TRIM34: variants seen among roughly 807,000 people sequenced by gnomAD.
TRIM34 encodes the protein tripartite motif containing 34.
In TRIM34, 41 loss-of-function variants were observed where a neutral mutation model predicts 38.1. That is an observed-to-expected ratio of 1.08 (90% confidence interval 0.84 to 1.40). The LOEUF is 1.40. Among genes scored for constraint, TRIM34 ranks in the 40% most tolerant of loss-of-function variants. TRIM34 has a pLI of 0.00. For missense variants in TRIM34, 556 were observed against 571.4 expected, an observed-to-expected ratio of 0.97 and a Z score of 0.27; for synonymous variants, 200 against 202.5, an observed-to-expected ratio of 0.99 and a Z score of 0.10.
chr11:5,639,371 CTA>C (rs1273154969), intron 4 of TRIM34, among the ~76,000 whole-genome samples: 1 of 151,992 alleles, frequency 6.6e-6, no homozygotes, highest in African/African-American at 2.4e-5. Flanking sequence ...AAAACAGCAC[CTA>C]TGTGTGAGCT....
chr11:5,620,190 T>TTTTTTTTTTTTTTTTTTA (rs1848935569), upstream of TRIM34, among the ~76,000 whole-genome samples: 1 of 123,914 alleles, frequency 8.1e-6, no homozygotes, highest in South Asian at 2.7e-4. Context: ...TTTTTTTTTT[T>TTTTTTTTTTTTTTTTTTA]TTGTTGAGAC....
Position 5,643,144 on chromosome 11 carries a change from T to C in TRIM34, c.902T>C (p.Val301Ala). Reference sequence around the variant, plus strand: ...ATATATATTTTTTTTTTTCTTGCAGTGGATGTCACACTGAATTCAGTCAAC... The same window carrying C: ...ATATATATTTTTTTTTTTCTTGCAGCGGATGTCACACTGAATTCAGTCAAC... ...RELTAVRCYW[V>A]DVTLNSVNLN... is the part of the protein sequence containing the mutation. The change falls in exon 8 of 8, where the codon GTG becomes GCG. Residue 301 changes from valine (V) to alanine (A), a missense_variant and splice_region_variant. Val to Ala is a moderately conservative substitution (Grantham distance 64, BLOSUM62 0). Coordinates refer to ENST00000429814, the MANE Select transcript of TRIM34 (RefSeq NM_021616.6). The C allele has an allele frequency of 1.4e-6, 2 of 1,453,372 alleles. No homozygotes were observed. Among genetic ancestry groups the C allele is most frequent in the South Asian group, 3.3e-5 (2 of 60,400 alleles). 90.0% of individuals were successfully genotyped at this position (1,453,372 alleles called of 1,614,324 possible). A position where few individuals can be genotyped will look rare whatever the true frequency, so the allele number is the denominator to read the frequency against.
chr11:5,622,451 AAAAAAAAG>A (rs1182061255), upstream of TRIM34, among the ~76,000 whole-genome samples: 10 of 149,132 alleles, frequency 6.7e-5, no homozygotes, highest in Non-Finnish European at 1.0e-4. Context: ...TCTCAAAAAA[AAAAAAAAG>A]AAAAAAAGAA....
At chr11:5,628,758 C>G (rs891150902) in intron 1 of TRIM34, among the ~76,000 whole-genome samples, 2 of 152,008 alleles carry the variant, frequency 1.3e-5, no homozygotes, top group African/African-American at 4.8e-5. Context: ...GAATTTGTAT[C>G]ACAGCTCAGG....
chr11:5,639,238 A>C (rs1424888499), intron 4 of TRIM34, among the ~76,000 whole-genome samples: 1 of 152,148 alleles, frequency 6.6e-6, no homozygotes, highest in Non-Finnish European at 1.5e-5. Context: ...GCATTCATCA[A>C]AATTATAGTA....
intron 5 of TRIM34, 191 bp downstream of exon 5, chr11:5,641,380 G>A: frequency 7.3e-7 from 1 of 1,369,524 alleles, no homozygotes; most frequent in Non-Finnish European, 9.6e-7. Flanking sequence ...TCGATCCTAT[G>A]TTAGTAAATT....
intron 4 of TRIM34, among the ~76,000 whole-genome samples, chr11:5,637,577 T>A (rs960980578): frequency 6.6e-6 from 1 of 152,226 alleles, no homozygotes. Context: ...TACTATTATT[T>A]AAAATTTTTT....
At chr11:5,637,151 CGA>C (rs1849778704) in intron 4 of TRIM34, among the ~76,000 whole-genome samples, 1 of 140,872 alleles carries the variant, frequency 7.1e-6, no homozygotes, top group African/African-American at 2.6e-5. Context: ...CCAGCCTGGG[CGA>C]CAGAGCGAGA....
intron 4 of TRIM34, among the ~76,000 whole-genome samples, chr11:5,637,309 A>G (rs1849788574): frequency 6.6e-6 from 1 of 152,126 alleles, no homozygotes; most frequent in Non-Finnish European, 1.5e-5. Context: ...TCATATATCC[A>G]TTGTTTGTTT....
intron 1 of TRIM34, among the ~76,000 whole-genome samples, chr11:5,627,619 A>G (rs1329978202): frequency 3.3e-5 from 5 of 152,214 alleles, no homozygotes; most frequent in Admixed American, 3.3e-4. Context: ...AGAACACTAC[A>G]GCTCTTGGGG....
chr11:5,637,548 AG>A (rs1440693189), intron 4 of TRIM34, among the ~76,000 whole-genome samples: 1 of 152,224 alleles, frequency 6.6e-6, no homozygotes, highest in African/African-American at 2.4e-5. Flanking sequence ...TAGCTAAATG[AG>A]GGAAAGAAGA....
At chr11:5,629,751 G>A (rs533618888) in intron 1 of TRIM34, among the ~76,000 whole-genome samples, 11 of 152,248 alleles carry the variant, frequency 7.2e-5, no homozygotes, top group South Asian at 4.2e-4. Context: ...TCTGTCGCCC[G>A]GGCTGGAGTG....
chr11:5,636,848 T>C (rs908288362), intron 4 of TRIM34, among the ~76,000 whole-genome samples: 1 of 152,190 alleles, frequency 6.6e-6, no homozygotes, highest in African/African-American at 2.4e-5. Context: ...CTCCAATATG[T>C]TAAGATATAA....
At chr11:5,636,752 C>G (rs993051395) in intron 4 of TRIM34, among the ~76,000 whole-genome samples, 1 of 152,180 alleles carries the variant, frequency 6.6e-6, no homozygotes, top group Admixed American at 6.5e-5. Context: ...ATTAACATTT[C>G]ACTTCTAGAT....
intron 6 of TRIM34, 45 bp downstream of exon 6, chr11:5,642,551 T>C: frequency 6.2e-7 from 1 of 1,603,734 alleles, no homozygotes; most frequent in South Asian, 1.1e-5. Flanking sequence ...ATTGTTGTGG[T>C]GTCAGGTAAT....
intron 4 of TRIM34, among the ~76,000 whole-genome samples, chr11:5,636,578 T>C (rs1019826036): frequency 5.9e-5 from 9 of 152,332 alleles, no homozygotes; most frequent in Middle Eastern, 3.4e-3. Context: ...TTATGGTTCT[T>C]CCTTAAGCTC....
At chr11:5,639,678 T>TAAAA (rs1849906580) in intron 4 of TRIM34, among the ~76,000 whole-genome samples, 2 of 16,736 alleles carry the variant, frequency 1.2e-4, no homozygotes, top group Non-Finnish European at 5.2e-4. Context: ...AGACTCTATT[T>TAAAA]CAAAAAAAAA....
intron 4 of TRIM34, 126 bp from the exon 5 acceptor site, chr11:5,641,041 T>A: frequency 7.4e-7 from 1 of 1,350,664 alleles, no homozygotes; most frequent in Non-Finnish European, 9.7e-7. Context: ...GTTTGCCAAT[T>A]TTGTTGACAT....
intron 4 of TRIM34, among the ~76,000 whole-genome samples, chr11:5,637,437 G>C (rs1050088417): frequency 1.3e-5 from 2 of 152,112 alleles, no homozygotes; most frequent in African/African-American, 4.8e-5. Flanking sequence ...TGAGATTTTA[G>C]GTTGTTTCCC....
Sources: gnomAD v4.1 joint callset for allele counts (sites outside exome capture counted in the v4.1 genomes callset) on GRCh38, gnomAD v4.1.1 for gene constraint, MANE v1.5 for transcripts, NCBI Gene and HGNC (gene_info 2026-07-23, HGNC 2026-07-21) for gene names.